Variants in RAI14 observed in about 807,000 individuals in gnomAD.
RAI14 encodes retinoic acid induced 14.
A neutral mutation model predicts 115.4 loss-of-function variants in RAI14; 45 were observed. The ratio of observed to expected loss-of-function variants is 0.39; its 90% CI spans 0.31 to 0.50. RAI14 has a LOEUF of 0.50. Ranked by LOEUF, RAI14 falls within the 20% of genes least tolerant of loss-of-function variation. The pLI, the probability that RAI14 is intolerant of heterozygous loss-of-function variation, is 0.85. For synonymous variants in RAI14, 371 were observed against 415.4 expected (o/e 0.89, Z 1.30); for missense variants, 939 against 1,131.2 (o/e 0.83, Z 2.44).
chr5:34,778,006 TTAA>T, intron 3 of RAI14, among the ~76,000 whole-genome samples: 1 of 152,170 alleles, frequency 6.6e-6, no homozygotes, highest in Non-Finnish European at 1.5e-5. Flanking sequence ...AGAGAGGACT[TTAA>T]ATGTTACCCA....
chr5:34,693,515 T>C (rs1327701057), intron 2 of RAI14, among the ~76,000 whole-genome samples: 6 of 152,246 alleles, frequency 3.9e-5, no homozygotes, highest in Admixed American at 1.3e-4. Flanking sequence ...TGCCAGGCAC[T>C]GTGCCAAGCC....
intron 4 of RAI14, among the ~76,000 whole-genome samples, chr5:34,797,805 C>T (rs1753718016): frequency 6.6e-6 from 1 of 152,070 alleles, no homozygotes; most frequent in Admixed American, 6.5e-5. Flanking sequence ...CTAAAATACC[C>T]CTAATGAGAT....
intron 4 of RAI14, 86 bp from the exon 5 acceptor site, chr5:34,803,626 T>C (rs1191804777): frequency 3.6e-6 from 4 of 1,103,208 alleles, no homozygotes; most frequent in Non-Finnish European, 5.3e-6. Flanking sequence ...TATTTCCTTA[T>C]AGCTGTCTTC....
chr5:34,663,420 G>A (rs535834752), intron 1 of RAI14, among the ~76,000 whole-genome samples: 1 of 152,158 alleles, frequency 6.6e-6, no homozygotes, highest in South Asian at 2.1e-4. Context: ...GGAGGCTGAG[G>A]TGGGAGGATC....
intron 12 of RAI14, among the ~76,000 whole-genome samples, chr5:34,817,962 A>G (rs1392432993): frequency 4.6e-5 from 7 of 152,252 alleles, no homozygotes; most frequent in Non-Finnish European, 7.3e-5. Context: ...GCAGTTTATT[A>G]TACGTTATAT....
At chr5:34,709,277 G>A (rs531883682) in intron 2 of RAI14, among the ~76,000 whole-genome samples, 5 of 151,942 alleles carry the variant, frequency 3.3e-5, no homozygotes, top group South Asian at 4.2e-4. Context: ...GCGAAACCCC[G>A]TCTCTACTAA....
At chr5:34,666,795 C>T (rs551555992) in intron 1 of RAI14, among the ~76,000 whole-genome samples, 7 of 152,066 alleles carry the variant, frequency 4.6e-5, no homozygotes, top group Non-Finnish European at 7.3e-5. Context: ...GGACTGTCCT[C>T]GAATAAGGTC....
intron 4 of RAI14, among the ~76,000 whole-genome samples, chr5:34,803,248 G>A (rs930918258): frequency 5.9e-5 from 9 of 152,134 alleles, no homozygotes; most frequent in Non-Finnish European, 8.8e-5. Flanking sequence ...CTTCCCACTC[G>A]CAAGAATAAC....
intron 2 of RAI14, among the ~76,000 whole-genome samples, chr5:34,692,309 A>G (rs971379219): frequency 6.6e-6 from 1 of 151,870 alleles, no homozygotes; most frequent in Non-Finnish European, 1.5e-5. Flanking sequence ...ATGAGGATCA[A>G]CAACCAACTC....
chr5:34,783,040 A>G (rs1176119065), intron 3 of RAI14, among the ~76,000 whole-genome samples: 1 of 152,236 alleles, frequency 6.6e-6, no homozygotes, highest in Non-Finnish European at 1.5e-5. Flanking sequence ...ATCAGAAAGC[A>G]TGTGTAACTG....
At chr5:34,694,760 C>T (rs1739015251) in intron 2 of RAI14, among the ~76,000 whole-genome samples, 2 of 152,142 alleles carry the variant, frequency 1.3e-5, no homozygotes, top group African/African-American at 4.8e-5. Context: ...ATCACATATT[C>T]TCCTTGGATA....
In RAI14 at chr5:34,683,314, G is replaced by A. The variant is rs575611835; in HGVS notation, c.-48-3558G>A. Reference sequence around the variant, plus strand: ...CCAGCTCTCACACACCCAAAGCCACGGACTCTAGGAAGACACTCAGTTTGG... The same window carrying A: ...CCAGCTCTCACACACCCAAAGCCACAGACTCTAGGAAGACACTCAGTTTGG... On this transcript the variant is annotated intron_variant, in intron 1 of 17. Coordinates refer to ENST00000265109, the MANE Select transcript of RAI14 (RefSeq NM_015577.3). Among the ~76,000 whole-genome samples the A allele has an allele frequency of 1.5e-4, 23 of 152,062 alleles. No individual in the cohort carries two copies. In the South Asian group the frequency reaches 4.6e-3, roughly 30 times the overall value.
chr5:34,674,967 G>A (rs1743877301), intron 1 of RAI14, among the ~76,000 whole-genome samples: 1 of 150,008 alleles, frequency 6.7e-6, no homozygotes, highest in African/African-American at 2.5e-5. Flanking sequence ...TGTGATCTCA[G>A]CTCACTGCAA....
At chr5:34,797,265 C>T (rs779218720) in intron 4 of RAI14, among the ~76,000 whole-genome samples, 1 of 152,120 alleles carries the variant, frequency 6.6e-6, no homozygotes, top group Non-Finnish European at 1.5e-5. Context: ...TTTCTTTTCT[C>T]CCATCCCCAA....
chr5:34,792,088 T>C (rs551967136), intron 3 of RAI14, among the ~76,000 whole-genome samples: 1 of 152,278 alleles, frequency 6.6e-6, no homozygotes, highest in Admixed American at 6.5e-5. Flanking sequence ...TTTCCTGGCT[T>C]TACTTCCATT....
chr5:34,685,464 G>C (rs1311247188), intron 1 of RAI14, among the ~76,000 whole-genome samples: 1 of 152,014 alleles, frequency 6.6e-6, no homozygotes, highest in Non-Finnish European at 1.5e-5. Flanking sequence ...GGTTGGGAGA[G>C]AGGTGAGGGA....
chr5:34,740,387 G>A (rs182837881), intron 2 of RAI14, among the ~76,000 whole-genome samples: 2 of 152,296 alleles, frequency 1.3e-5, no homozygotes, highest in Admixed American at 6.5e-5. Flanking sequence ...TGATTTGTGT[G>A]TGTGTTCACT....
chr5:34,794,933 AG>A (rs547754057), intron 3 of RAI14, among the ~76,000 whole-genome samples: 49 of 152,254 alleles, frequency 3.2e-4, no homozygotes, highest in African/African-American at 1.1e-3. Context: ...ACAGACACCA[AG>A]GGACTTCATG....
At chr5:34,704,528 C>T (rs574128487) in intron 2 of RAI14, among the ~76,000 whole-genome samples, 2 of 152,254 alleles carry the variant, frequency 1.3e-5, no homozygotes, top group African/African-American at 2.4e-5. Flanking sequence ...CGTTCTGTTT[C>T]CTTATCAGCA....
Sources: allele counts gnomAD v4.1 joint callset (sites outside exome capture counted in the v4.1 genomes callset), GRCh38; gene constraint gnomAD v4.1.1; transcripts MANE v1.5; gene names NCBI Gene and HGNC (gene_info 2026-07-23, HGNC 2026-07-21).